Variants in SCAI observed in about 807,000 individuals in gnomAD.
SCAI encodes the protein protein SCAI.
Under a neutral mutation model 92.2 loss-of-function variants are expected in SCAI, and 24 were observed. That is an observed-to-expected ratio of 0.26 (90% CI 0.19 to 0.37). The LOEUF (loss-of-function observed/expected upper bound fraction) is 0.37, where lower values mean the gene tolerates loss of function less well. Among genes scored for constraint, SCAI ranks in the 10% least tolerant of loss-of-function variants. SCAI has a pLI of 1.00. For synonymous variants in SCAI, 261 were observed against 258.6 expected (o/e 1.01, Z -0.09); for missense variants, 450 against 736.2 (o/e 0.61, Z 4.50).
chr9:125,032,189 A>ATTTTTT (rs1440287800), intron 3 of SCAI, among the ~76,000 whole-genome samples: 1 of 81,304 alleles, frequency 1.2e-5, no homozygotes, highest in African/African-American at 5.9e-5. Context: ...ATATATATAT[A>ATTTTTT]TATATATTTT....
chr9:125,073,092 A>ATTTTTTTTTTTTTTT lies in SCAI; in HGVS notation c.99-17100_99-17086dup, dbSNP rs764858681. 6.5e-4 allele frequency among the ~76,000 whole-genome samples: 47 copies of ATTTTTTTTTTTTTTT among 72,478 alleles called. 2 individuals are homozygous for ATTTTTTTTTTTTTTT. The highest frequency in any genetic ancestry group is 8.1e-4 in the African/African-American group (15 of 18,512). The allele number at this position is 72,478 out of a possible 152,430, so 47.5% of individuals were successfully genotyped here. A position where few individuals can be genotyped will look rare whatever the true frequency, so the allele number is the denominator to read the frequency against. On this transcript the variant is annotated intron_variant, in intron 2 of 17. Coordinates refer to ENST00000336505, the MANE Select transcript of SCAI (RefSeq NM_001144877.3). ...GGATCATATGAGGATTCTATTTTTAATTTTTTTTTTTTTTTTTTTTTTTTT... is the reference window on the plus strand; with the variant it reads ...GGATCATATGAGGATTCTATTTTTAATTTTTTTTTTTTTTTTTTTTTTTTTTTTTTTTTTTTTTTT...
At chr9:125,143,248 A>C (rs1182967944) in intron 1 of SCAI, 137 bp downstream of exon 1, 1,489 of 191,560 alleles carry the variant, frequency 7.8e-3, no homozygotes, top group East Asian at 0.019. Flanking sequence ...AGGCGCCCCC[A>C]AGGTCCCCCC....
chr9:125,027,943 T>C (rs1402990899), intron 5 of SCAI, among the ~76,000 whole-genome samples: 1 of 152,210 alleles, frequency 6.6e-6, no homozygotes, highest in African/African-American at 2.4e-5. Context: ...GATGGGACTA[T>C]ATAGATGTTA....
chr9:124,968,911 G>T, intron 17 of SCAI: 15 of 388,554 alleles, frequency 3.9e-5, no homozygotes, highest in Non-Finnish European at 5.1e-5. Flanking sequence ...CAAACTGTAG[G>T]AAATCTCCAA....
At chr9:125,043,937 T>C (rs1293753553) in intron 3 of SCAI, among the ~76,000 whole-genome samples, 1 of 152,102 alleles carries the variant, frequency 6.6e-6, no homozygotes, top group Non-Finnish European at 1.5e-5. Flanking sequence ...CAGCTGCAGC[T>C]ACCCAGCTGC....
chr9:125,008,906 A>T (rs929828488), intron 9 of SCAI, among the ~76,000 whole-genome samples: 1 of 152,188 alleles, frequency 6.6e-6, no homozygotes, highest in African/African-American at 2.4e-5. Flanking sequence ...ATAACATAGT[A>T]AAACTGCAAA....
At chr9:125,056,456 C>T (rs1238413698) in intron 2 of SCAI, among the ~76,000 whole-genome samples, 2 of 152,038 alleles carry the variant, frequency 1.3e-5, no homozygotes, top group African/African-American at 4.8e-5. Context: ...CAGAGCGAGA[C>T]ACCATCTCAA....
chr9:125,038,035 T>C (rs2131102908), intron 3 of SCAI, among the ~76,000 whole-genome samples: 2 of 151,984 alleles, frequency 1.3e-5, no homozygotes, highest in Middle Eastern at 6.8e-3. Context: ...GGCGGACAGA[T>C]CACTTGAGCC....
intron 6 of SCAI, among the ~76,000 whole-genome samples, chr9:125,022,356 A>C (rs536860529): frequency 8.5e-5 from 13 of 152,182 alleles, no homozygotes; most frequent in African/African-American, 3.1e-4. Context: ...ACACGTACAC[A>C]TTTCTTCCCC....
At chr9:125,071,279 G>T (rs1264547823) in intron 2 of SCAI, among the ~76,000 whole-genome samples, 1 of 152,166 alleles carries the variant, frequency 6.6e-6, no homozygotes, top group Non-Finnish European at 1.5e-5. Flanking sequence ...TGTGCCTATA[G>T]TTCTAGCTAT....
At chr9:125,046,793 C>T (rs1474308392) in intron 3 of SCAI, among the ~76,000 whole-genome samples, 2 of 151,642 alleles carry the variant, frequency 1.3e-5, no homozygotes, top group East Asian at 1.9e-4. Flanking sequence ...GGAAGATGCT[C>T]TATGTTTCTA....
At chr9:124,984,615 G>A (rs1269139263) in intron 14 of SCAI, among the ~76,000 whole-genome samples, 1 of 152,116 alleles carries the variant, frequency 6.6e-6, no homozygotes, top group Non-Finnish European at 1.5e-5. Flanking sequence ...TTATGGCCGG[G>A]GCAACTATAA....
chr9:124,994,179 C>A (rs1832191918), intron 14 of SCAI, among the ~76,000 whole-genome samples: 1 of 151,968 alleles, frequency 6.6e-6, no homozygotes, highest in Non-Finnish European at 1.5e-5. Flanking sequence ...GGATTACAGG[C>A]ACGCACCACC....
chr9:125,136,621 C>T (rs1006476346), intron 2 of SCAI, among the ~76,000 whole-genome samples: 2 of 151,514 alleles, frequency 1.3e-5, no homozygotes, highest in African/African-American at 2.4e-5. Context: ...CCACCACGCC[C>T]GGCTAATTTT....
At chr9:125,116,399 A>G (rs1835047240) in intron 2 of SCAI, among the ~76,000 whole-genome samples, 1 of 152,170 alleles carries the variant, frequency 6.6e-6, no homozygotes, top group African/African-American at 2.4e-5. Flanking sequence ...AGAAAGCAAA[A>G]TCTAGAATGA....
chr9:125,022,286 T>C (rs1019091958), intron 6 of SCAI, among the ~76,000 whole-genome samples: 2 of 152,254 alleles, frequency 1.3e-5, no homozygotes, highest in Non-Finnish European at 2.9e-5. Context: ...TAAACCTCTA[T>C]TCTCAATAAT....
At chr9:124,994,200 A>G (rs1032262574) in intron 14 of SCAI, among the ~76,000 whole-genome samples, 3 of 151,998 alleles carry the variant, frequency 2.0e-5, no homozygotes, top group Non-Finnish European at 4.4e-5. Context: ...ACGCCTGGCT[A>G]ATTTTATATT....
At chr9:125,130,407 T>C (rs1386457975) in intron 2 of SCAI, among the ~76,000 whole-genome samples, 1 of 152,124 alleles carries the variant, frequency 6.6e-6, no homozygotes, top group African/African-American at 2.4e-5. Flanking sequence ...ATTATAGTTG[T>C]GATTACACAA....
At chr9:124,959,721 T>C (rs1481738923) in intron 17 of SCAI, among the ~76,000 whole-genome samples, 3 of 130,434 alleles carry the variant, frequency 2.3e-5, no homozygotes, top group Non-Finnish European at 4.8e-5. Flanking sequence ...ATGTGTGATG[T>C]TCCCCTTCCT....
Sources: allele counts gnomAD v4.1 joint callset (sites outside exome capture counted in the v4.1 genomes callset), GRCh38; gene constraint gnomAD v4.1.1; transcripts MANE v1.5; gene names NCBI Gene and HGNC (gene_info 2026-07-23, HGNC 2026-07-21).